ZNF682: variants seen among roughly 807,000 people sequenced by gnomAD.
ZNF682 encodes the protein zinc finger protein 682.
ZNF682 carries 29 observed loss-of-function variants against 36.5 expected under a neutral mutation model. That is an observed-to-expected ratio of 0.80 (90% CI 0.59 to 1.08). The LOEUF is 1.08. Ranked by LOEUF, ZNF682 falls within the 50% of genes least tolerant of loss-of-function variation. ZNF682 has a pLI of 0.00. For missense variants in ZNF682, 561 were observed against 579.7 expected (o/e 0.97, Z 0.33); for synonymous variants, 180 against 197.0 (o/e 0.91, Z 0.72).
intron 2 of ZNF682, among the ~76,000 whole-genome samples, chr19:20,023,451 G>A (rs1379085792): frequency 6.6e-6 from 1 of 151,824 alleles, no homozygotes; most frequent in Non-Finnish European, 1.5e-5. Flanking sequence ...AGCCAAGATT[G>A]CGCCACTGCA....
rs776397463 is a variant in ZNF682, at chr19:20,024,387, A to G, written c.4-11T>C. 4.4e-6 allele frequency: 7 copies of G among 1,604,400 alleles called. No individual in the cohort carries two copies. The South Asian group carries it at 7.9e-5, about 18-fold the overall frequency. On this transcript the variant is annotated splice_polypyrimidine_tract_variant and intron_variant, in intron 1 of 3. Coordinates refer to ENST00000397165, the MANE Select transcript of ZNF682 (RefSeq NM_033196.3). ...GAATGTCAACAGTTCCTGAAAAACA[A>G]AACAAAACATAGTGACCAACTGTCA... is the stretch of plus-strand genomic sequence containing the variant.
intron 2 of ZNF682, 79 bp from the exon 3 acceptor site, chr19:20,023,178 G>T: frequency 7.8e-7 from 1 of 1,277,300 alleles, no homozygotes; most frequent in Non-Finnish European, 1.1e-6. Flanking sequence ...CTGTAGATAA[G>T]AGAGAATATT....
chr19:20,006,294 C>A lies in ZNF682; in HGVS notation c.1208G>T (p.Gly403Val). 6.2e-7 allele frequency: 1 copy of A among 1,613,554 alleles called. No homozygotes were observed. The highest frequency in any genetic ancestry group is 1.1e-5 in the South Asian group (1 of 91,086). The change falls in exon 4 of 4, where the codon GGC becomes GTC. Residue 403 changes from glycine (G) to valine (V), a missense_variant. Coordinates refer to ENST00000397165, the MANE Select transcript of ZNF682 (RefSeq NM_033196.3). ...GEKPYKCEEC[G>V]KAFNWSSILT... ...GATTGAGGACCAGTTAAAAGCTTTG[C>A]CACATTCTTCACATTTGTAGGGTTT...
downstream of ZNF682, among the ~76,000 whole-genome samples, chr19:19,996,710 C>T (rs114235162): frequency 1.8e-3 from 267 of 152,326 alleles, no homozygotes; most frequent in African/African-American, 6.1e-3. Context: ...AAAGGCTACA[C>T]ACTGGGTAGT....
At chr19:20,017,804 T>C (rs973457750) in intron 3 of ZNF682, among the ~76,000 whole-genome samples, 1 of 152,132 alleles carries the variant, frequency 6.6e-6, no homozygotes, top group Non-Finnish European at 1.5e-5. Context: ...ATAACAAGTC[T>C]TAATAAATTT....
downstream of ZNF682, among the ~76,000 whole-genome samples, chr19:19,996,407 C>T (rs998846781): frequency 2.0e-5 from 3 of 152,046 alleles, no homozygotes; most frequent in Admixed American, 6.5e-5. Flanking sequence ...GCACTATTTG[C>T]AATTGCAAAA....
chr19:20,014,006 G>A (rs1435282350), intron 3 of ZNF682, among the ~76,000 whole-genome samples: 2 of 152,144 alleles, frequency 1.3e-5, no homozygotes, highest in East Asian at 3.8e-4. Flanking sequence ...AAGCATGCTC[G>A]TGTTCAAGGA....
At chr19:20,030,284 A>G (rs760034406) in intron 1 of ZNF682, among the ~76,000 whole-genome samples, 10 of 152,330 alleles carry the variant, frequency 6.6e-5, no homozygotes, top group Non-Finnish European at 1.5e-4. Context: ...AATAATAACT[A>G]TAGGGCTGGG....
At chr19:20,010,360 T>C (rs2088273546) in intron 3 of ZNF682, among the ~76,000 whole-genome samples, 1 of 152,108 alleles carries the variant, frequency 6.6e-6, no homozygotes, top group Non-Finnish European at 1.5e-5. Flanking sequence ...ATGCTCCACT[T>C]AAAAGACACA....
chr19:20,022,205 A>C (rs1311302037), intron 3 of ZNF682, among the ~76,000 whole-genome samples: 3 of 151,618 alleles, frequency 2.0e-5, no homozygotes, highest in Non-Finnish European at 4.4e-5. Context: ...AAAAGAAAGA[A>C]AGAAACTTCA....
intron 1 of ZNF682, among the ~76,000 whole-genome samples, chr19:20,028,627 A>C (rs1374220739): frequency 6.6e-6 from 1 of 152,170 alleles, no homozygotes; most frequent in East Asian, 1.9e-4. Context: ...CACAGCACAC[A>C]GTCCCTTATA....
chr19:20,016,151 G>A (rs1323192348), intron 3 of ZNF682, among the ~76,000 whole-genome samples: 1 of 152,084 alleles, frequency 6.6e-6, no homozygotes. Flanking sequence ...TCTTTAGAAA[G>A]AATACAAAAA....
chr19:20,002,179 T>A (rs2088171888), downstream of ZNF682, among the ~76,000 whole-genome samples: 1 of 151,980 alleles, frequency 6.6e-6, no homozygotes, highest in Admixed American at 6.6e-5. Flanking sequence ...GCCTCCCAGG[T>A]TCAAGCGATT....
At chr19:20,016,020 T>C (rs1288466352) in intron 3 of ZNF682, among the ~76,000 whole-genome samples, 1 of 152,202 alleles carries the variant, frequency 6.6e-6, no homozygotes, top group Non-Finnish European at 1.5e-5. Flanking sequence ...AACTTAATTA[T>C]ACAAACTAAG....
intron 3 of ZNF682, among the ~76,000 whole-genome samples, chr19:20,008,785 C>G (rs1340216887): frequency 6.6e-6 from 1 of 152,128 alleles, no homozygotes; most frequent in Non-Finnish European, 1.5e-5. Context: ...ATCTCTCACA[C>G]ACTATCTTCC....
chr19:20,032,006 A>C (rs1434145370), intron 1 of ZNF682, among the ~76,000 whole-genome samples: 3 of 152,156 alleles, frequency 2.0e-5, no homozygotes, highest in Non-Finnish European at 2.9e-5. Flanking sequence ...GCATTATTAG[A>C]TTAATTTATA....
chr19:20,039,266 A>G (rs2286920), intron 1 of ZNF682, 77 bp downstream of exon 1: 1,244,460 of 1,590,996 alleles, frequency 0.78, 488,659 homozygotes, highest in South Asian at 0.86. Flanking sequence ...GGGAGGCCCC[A>G]GTCCCGTCAC....
chr19:20,015,495 G>T (rs2088326977), intron 3 of ZNF682: 1 of 865,702 alleles, frequency 1.2e-6, no homozygotes, highest in Non-Finnish European at 1.4e-6. Context: ...TATAATGAAT[G>T]TCAAATGGCC....
chr19:19,997,005 T>C, downstream of ZNF682: 1 of 375,054 alleles, frequency 2.7e-6, no homozygotes, highest in Non-Finnish European at 4.7e-6. Context: ...GAAACACTTC[T>C]CAGGGAAAGA....
Sources: allele counts gnomAD v4.1 joint callset (sites outside exome capture counted in the v4.1 genomes callset), GRCh38; gene constraint gnomAD v4.1.1; transcripts MANE v1.5; gene names NCBI Gene and HGNC (gene_info 2026-07-23, HGNC 2026-07-21).